The following FLT4 variants were observed in gnomAD, a reference collection of about 807,000 sequenced individuals.
The protein encoded by FLT4 is fms related receptor tyrosine kinase 4.
FLT4 carries 30 observed loss-of-function variants against 163.2 expected under a neutral mutation model. That is an observed-to-expected ratio of 0.18 (90% CI 0.14 to 0.25). The LOEUF (loss-of-function observed/expected upper bound fraction) is 0.25, where lower values mean the gene tolerates loss of function less well. Among genes scored for constraint, FLT4 ranks in the 10% least tolerant of loss-of-function variants. The pLI, the probability that FLT4 is intolerant of heterozygous loss-of-function variation, is 1.00. For synonymous variants in FLT4, 884 were observed against 789.5 expected (o/e 1.12, Z -2.01); for missense variants, 1,510 against 1,863.8 (o/e 0.81, Z 3.50).
Position 180,623,504 on chromosome 5 carries a change from T to C in FLT4, c.1548+431A>G, listed in dbSNP as rs951410259. On this transcript the variant is annotated intron_variant, in intron 11 of 29. Transcript: ENST00000261937. The surrounding 1 kb of genome is among the most constrained non-coding windows in gnomAD (Gnocchi z 5.8). ...GGAACAGGAAGAGGCTCTGGAGGTG[T>C]GTAGGAAAACAGGAAGTGACTGGAG... 1.1e-4 allele frequency among the ~76,000 whole-genome samples: 16 copies of C among 143,130 alleles called. No homozygotes were observed. The highest frequency in any genetic ancestry group is 1.5e-4 in the Non-Finnish European group (10 of 65,936). The allele number at this position is 143,130 out of a possible 152,430, so 93.9% of individuals were successfully genotyped here. A position where few individuals can be genotyped will look rare whatever the true frequency, so the allele number is the denominator to read the frequency against.
chr5:180,606,794 C>T (rs531861538), intron 29 of FLT4, among the ~76,000 whole-genome samples: 1 of 151,852 alleles, frequency 6.6e-6, no homozygotes, highest in Non-Finnish European at 1.5e-5. Context: ...CGTGGTGGCT[C>T]ATACCTGTAA....
At chr5:180,642,800 C>T (rs1765225649) in intron 1 of FLT4, among the ~76,000 whole-genome samples, 1 of 152,216 alleles carries the variant, frequency 6.6e-6, no homozygotes, top group Non-Finnish European at 1.5e-5. Flanking sequence ...GGCACCCACA[C>T]AGTAATGATA....
In FLT4 at chr5:180,609,260, G is replaced by C. The variant is rs1581609770; in HGVS notation, c.3808-207C>G. 9.8e-5 allele frequency: 61 copies of C among 620,800 alleles called. No individual in the cohort carries two copies. In the South Asian group the frequency reaches 1.1e-3, roughly 11 times the overall value. 38.5% of individuals were successfully genotyped at this position (620,800 alleles called of 1,614,324 possible). A position where few individuals can be genotyped will look rare whatever the true frequency, so the allele number is the denominator to read the frequency against. On this transcript the variant is annotated intron_variant, in intron 28 of 29. Transcript: ENST00000261937. ...CCACGGAGGGAGACACTGAGGTCAG[G>C]GGGGCTGTGTGTGGCCCGTGGACGC...
At chr5:180,603,507 T>C (rs904702976) in intron 29 of FLT4, 117 bp from the exon 30 acceptor site, 6 of 909,944 alleles carry the variant, frequency 6.6e-6, no homozygotes, top group Non-Finnish European at 1.1e-5. Flanking sequence ...AGGCCAGGAG[T>C]TAGAGTCCAG....
intron 10 of FLT4, 145 bp from the exon 11 acceptor site, chr5:180,624,206 A>T: frequency 1.4e-6 from 1 of 737,708 alleles, no homozygotes; most frequent in Non-Finnish European, 2.2e-6. Flanking sequence ...TGGGTGAGGG[A>T]GATGGGAAGG....
At position 180,618,408 on chromosome 5, in the gene FLT4, C is replaced by T. The variant is rs1217171629; in HGVS notation, c.3001+362G>A. 1.5e-5 allele frequency among the ~76,000 whole-genome samples: 2 copies of T among 131,744 alleles called. 1 individual carries two copies. Among genetic ancestry groups the T allele is most frequent in the African/African-American group, 5.6e-5 (2 of 35,924 alleles). The allele number at this position is 131,744 out of a possible 152,430, so 86.4% of individuals were successfully genotyped here. A position where few individuals can be genotyped will look rare whatever the true frequency, so the allele number is the denominator to read the frequency against. ...CAGAGCACCCTCTCCTGCTCCTCAGCCTCTGGGACACCCACGTCCTACTCC... is the reference window on the plus strand; with the variant it reads ...CAGAGCACCCTCTCCTGCTCCTCAGTCTCTGGGACACCCACGTCCTACTCC... On this transcript the variant is annotated intron_variant, in intron 21 of 29. Coordinates refer to ENST00000261937, the MANE Select transcript of FLT4 (RefSeq NM_182925.5).
At position 180,629,831 on chromosome 5, in the gene FLT4, G is replaced by T; in HGVS notation, c.681C>A (p.Asn227Lys). Residue 227 changes from asparagine (N) to lysine (K), a missense_variant, in exon 6 of 30, where the codon AAC (asparagine) becomes AAA (lysine). Transcript: ENST00000261937. ...GCAACAGCTGGATGTCATAGAGCTC[G>T]TTGCCTGTTGACACGCACACAGTGA... ...SNPFLVHITG[N>K]ELYDIQLLPR... 2 of 1,612,516 alleles carry T rather than the reference G, an allele frequency of 1.2e-6. No homozygotes were observed. The highest frequency in any genetic ancestry group is 1.7e-6 in the Non-Finnish European group (2 of 1,179,850).
In FLT4 at chr5:180,616,820, G is replaced by T. The variant is rs1006426274; in HGVS notation, c.3096+80C>A. Reference sequence around the variant, plus strand: ...ATGGACCACAGAGCCATTGCAGGGTGAGGCCAGTACCAAGCACTTCTTGGC... The same window carrying T: ...ATGGACCACAGAGCCATTGCAGGGTTAGGCCAGTACCAAGCACTTCTTGGC... On this transcript the variant is annotated intron_variant, in intron 22 of 29. Transcript: ENST00000261937. 4 of 1,084,382 alleles carry T rather than the reference G, an allele frequency of 3.7e-6. No homozygotes were observed. In the Admixed American group the frequency reaches 6.7e-5, roughly 18 times the overall value. The allele number at this position is 1,084,382 out of a possible 1,614,324, so 67.2% of individuals were successfully genotyped here.
chr5:180,650,169 C>CAA (rs397719371), upstream of FLT4, among the ~76,000 whole-genome samples: 6,153 of 81,990 alleles, frequency 0.075, 399 homozygotes, highest in African/African-American at 0.17. Flanking sequence ...GTCTGGGAGC[C>CAA]AAAAAAAAAA....
intron 7 of FLT4, 108 bp downstream of exon 7, chr5:180,629,151 G>T: frequency 6.7e-7 from 1 of 1,493,998 alleles, no homozygotes; most frequent in Non-Finnish European, 9.3e-7. Context: ...CAGCTCCTCT[G>T]CTCGTGGCCC....
intron 12 of FLT4, among the ~76,000 whole-genome samples, chr5:180,622,229 G>GC (rs1459617215): frequency 6.6e-6 from 1 of 152,118 alleles, no homozygotes; most frequent in Non-Finnish European, 1.5e-5. Flanking sequence ...GGCTCCTGTG[G>GC]CCCCCCAGCC....
intron 23 of FLT4, among the ~76,000 whole-genome samples, chr5:180,614,711 A>G (rs1027513728): frequency 1.3e-5 from 2 of 151,438 alleles, no homozygotes; most frequent in African/African-American, 2.4e-5. Context: ...ACTGGCCTCT[A>G]CCTCCACCCC....
chr5:180,640,477 G>C (rs763262871), intron 1 of FLT4, among the ~76,000 whole-genome samples: 17 of 152,314 alleles, frequency 1.1e-4, no homozygotes, highest in Non-Finnish European at 2.2e-4. Flanking sequence ...GACCCCTGCA[G>C]GCAGGAAGGC....
chr5:180,622,710 C>T (rs376507099), intron 12 of FLT4, 21 bp downstream of exon 12: 39 of 1,506,262 alleles, frequency 2.6e-5, no homozygotes, highest in South Asian at 1.3e-4. Flanking sequence ...CAGGCCTCCC[C>T]GCCCTGGTCT....
rs775119275 is a variant in FLT4 at position 180,614,218 on chromosome 5, G to C, written c.3220-39C>G. On this transcript the variant is annotated intron_variant, in intron 23 of 29. Coordinates refer to ENST00000261937, the MANE Select transcript of FLT4 (RefSeq NM_182925.5). ...GGGAAGCTTGTCCCGTGGTGGATGGGGAGACGGAGGGAAGCGTGTCCCGTG... is the reference window on the plus strand; with the variant it reads ...GGGAAGCTTGTCCCGTGGTGGATGGCGAGACGGAGGGAAGCGTGTCCCGTG... 18 of 1,357,106 alleles carry C rather than the reference G, an allele frequency of 1.3e-5. No individual in the cohort carries two copies. In the African/African-American group the frequency reaches 1.9e-4, roughly 14 times the overall value. The allele number at this position is 1,357,106 out of a possible 1,614,324, so 84.1% of individuals were successfully genotyped here. A position where few individuals can be genotyped will look rare whatever the true frequency, so the allele number is the denominator to read the frequency against.
chr5:180,609,601 T>C (rs1762018432), intron 28 of FLT4: 2 of 419,488 alleles, frequency 4.8e-6, no homozygotes, highest in Non-Finnish European at 9.0e-6. Flanking sequence ...TGCCCAGCGC[T>C]CACTGACCAG....
rs1762184326 is a variant in FLT4, at chr5:180,611,450, G to T, written c.3567C>A (p.Arg1189=). 2 of 1,613,912 alleles carry T rather than the reference G, an allele frequency of 1.2e-6. No homozygotes were observed. The highest frequency in any genetic ancestry group is 1.7e-6 in the Non-Finnish European group (2 of 1,179,976). ...TGCCCTCTTCTGAGCTCTGAGAGCT[G>T]CGCGGGGCCATGCAGACCTCCTCTT... ...QEEEEVCMAP[R]SSQSSEEGSF... Residue 1189 remains arginine, a synonymous_variant, in exon 27 of 30, where the codon CGC becomes CGA. Coordinates refer to ENST00000261937, the MANE Select transcript of FLT4 (RefSeq NM_182925.5).
chr5:180,630,711 G>C lies in FLT4; in HGVS notation c.244C>G (p.Arg82Gly). The C allele has an allele frequency of 6.2e-7, 1 of 1,612,376 alleles. No individual in the cohort carries two copies. Among genetic ancestry groups the C allele is most frequent in the Non-Finnish European group, 8.5e-7 (1 of 1,179,948 alleles). Residue 82 changes from arginine to glycine, a missense_variant, in exon 3 of 30, where the codon CGA (arginine) becomes GGA (glycine). Physicochemically the swap from Arg to Gly is moderately radical, Grantham distance 125. This residue lies in a region of FLT4 where 157 missense variants were observed against 178.7 expected (regional missense o/e 0.88). Transcript: ENST00000261937. The surrounding 1 kb of genome is among the most constrained non-coding windows in gnomAD (Gnocchi z 6.3). ...DKDSEDTGVV[R>G]DCEGTDARPY... ...CTGGCGTCTGTGCCCTCGCAGTCTC[G>C]CACCACCCCCGTGTCCTCGCTGTCC...
chr5:180,606,912 A>AAAAC (rs66851547), intron 29 of FLT4, among the ~76,000 whole-genome samples: 5 of 108,036 alleles, frequency 4.6e-5, no homozygotes, highest in African/African-American at 1.5e-4. Context: ...AAAAAAAAAA[A>AAAAC]AAACAAACAA....
Sources: gnomAD v4.1 joint callset for allele counts (sites outside exome capture counted in the v4.1 genomes callset) on GRCh38, gnomAD v4.1.1 for gene constraint, gnomAD v4.1.1 regional missense constraint, Gnocchi (gnomAD v3.1) non-coding constraint, MANE v1.5 for transcripts, NCBI Gene and HGNC (gene_info 2026-07-23, HGNC 2026-07-21) for gene names.